The following DUSP1 variants were observed in gnomAD, a reference collection of about 807,000 sequenced individuals.
DUSP1 encodes dual specificity phosphatase 1.
DUSP1 carries 10 observed loss-of-function variants against 27.4 expected under a neutral mutation model. The observed-to-expected ratio is 0.37, with a 90% CI of 0.23 to 0.62. The LOEUF (loss-of-function observed/expected upper bound fraction) is 0.62, where lower values mean the gene tolerates loss of function less well. Ranked by LOEUF, DUSP1 falls within the 20% of genes least tolerant of loss-of-function variation. DUSP1 has a pLI of 0.68. For synonymous variants in DUSP1, 262 were observed against 223.6 expected (o/e 1.17, Z -1.53); for missense variants, 425 against 508.1 (o/e 0.84, Z 1.57).
chr5:172,769,471 G>A (rs1322140628), intron 3 of DUSP1, 104 bp downstream of exon 3: 3 of 1,248,212 alleles, frequency 2.4e-6, no homozygotes, highest in East Asian at 4.7e-5. Context: ...CTGAATGTGT[G>A]GAAGAAGGCT....
Position 172,771,100 on chromosome 5 carries a change from G to A in DUSP1, c.-148C>T, listed in dbSNP as rs948068337. On this transcript the variant is annotated 5_prime_UTR_variant, in exon 1 of 4. Coordinates refer to ENST00000239223, the MANE Select transcript of DUSP1 (RefSeq NM_004417.4). ...AAAAGCCGCTTTTGGACTGAGAGAG[G>A]AGCGTCACGCGGGGCTCCGGGCTCC... The A allele has an allele frequency of 3.7e-5, 42 of 1,125,094 alleles. No homozygotes were observed. In the African/African-American group the frequency reaches 6.2e-4, roughly 17 times the overall value. 69.7% of individuals were successfully genotyped at this position (1,125,094 alleles called of 1,614,324 possible). A position where few individuals can be genotyped will look rare whatever the true frequency, so the allele number is the denominator to read the frequency against.
rs375653201 is a variant in DUSP1, at chr5:172,769,115, C to T, written c.751G>A (p.Gly251Arg). The T allele has an allele frequency of 2.7e-5, 44 of 1,609,124 alleles. No individual in the cohort carries two copies. Among genetic ancestry groups the T allele is most frequent in the African/African-American group, 9.3e-5 (7 of 74,904 alleles). Residue 251 changes from glycine to arginine, a missense_variant, in exon 4 of 4, where the codon GGA (glycine) becomes AGA (arginine). Transcript: ENST00000239223. ...IDFIDSIKNA[G>R]GRVFVHCQAG... ...TGGCAGTGGACAAACACCCTTCCTC[C>T]AGCATTCTTGATGGAGTCTGGAAAA...
In DUSP1 at chr5:172,768,825, G is replaced by A; in HGVS notation, c.1041C>T (p.Val347=). The change falls in exon 4 of 4, where the codon GTC becomes GTT. Residue 347 remains valine (V), a synonymous_variant. Coordinates refer to ENST00000239223, the MANE Select transcript of DUSP1 (RefSeq NM_004417.4). ...TVFNFPVSIP[V]HSTNSALSYL... The stretch of plus-strand genomic sequence containing the variant: ...AGCTCAGCGCACTGTTCGTGGAGTG[G>A]ACAGGGATGGAGACGGGGAAGTTGA... The A allele has an allele frequency of 6.3e-7, 1 of 1,584,462 alleles. No individual in the cohort carries two copies. The highest frequency in any genetic ancestry group is 1.2e-5 in the South Asian group (1 of 85,344).
intron 1 of DUSP1, 80 bp downstream of exon 1, chr5:172,770,505 TC>T: frequency 1.4e-6 from 2 of 1,470,792 alleles, no homozygotes; most frequent in Non-Finnish European, 1.8e-6. Flanking sequence ...GGTGGGGCGA[TC>T]CCCCGGGAGC....
In DUSP1 at chr5:172,769,813, C is replaced by A; in HGVS notation, c.514-19G>T. ...GGCCACCCTGAAATCCAGAAATATC[C>A]AACATTCATCAAGCTTGCTCAAAGC... On this transcript the variant is annotated intron_variant, in intron 2 of 3. Transcript: ENST00000239223. 1 of 1,608,654 alleles carries A rather than the reference C, an allele frequency of 6.2e-7. No homozygotes were observed. The highest frequency in any genetic ancestry group is 8.5e-7 in the Non-Finnish European group (1 of 1,177,610).
At position 172,768,666 on chromosome 5, in the gene DUSP1, C is replaced by T; in HGVS notation, c.*96G>A. ...CGGGTGAAGTTAAATAAATAAGGAC[C>T]AGCCCTCTCGAGCCCCTCCCAGAGT... On this transcript the variant is annotated 3_prime_UTR_variant, in exon 4 of 4. Coordinates refer to ENST00000239223, the MANE Select transcript of DUSP1 (RefSeq NM_004417.4). The T allele has an allele frequency of 7.1e-7, 1 of 1,411,848 alleles. No homozygotes were observed. Among genetic ancestry groups the T allele is most frequent in the Non-Finnish European group, 9.3e-7 (1 of 1,075,308 alleles). 87.5% of individuals were successfully genotyped at this position (1,411,848 alleles called of 1,614,324 possible).
Position 172,771,113 on chromosome 5 carries a change from G to A in DUSP1, c.-161C>T, listed in dbSNP as rs1400827190. The stretch of plus-strand genomic sequence containing the variant: ...GGACTGAGAGAGGAGCGTCACGCGG[G>A]GCTCCGGGCTCCTCGGCTTCTTCGC... On this transcript the variant is annotated 5_prime_UTR_variant, in exon 1 of 4. Coordinates refer to ENST00000239223, the MANE Select transcript of DUSP1 (RefSeq NM_004417.4). 8.0e-6 allele frequency: 8 copies of A among 995,850 alleles called. No homozygotes were observed. Among genetic ancestry groups the A allele is most frequent in the Non-Finnish European group, 1.1e-5 (8 of 754,866 alleles). 61.7% of individuals were successfully genotyped at this position (995,850 alleles called of 1,614,324 possible).
chr5:172,770,415 G>C, intron 1 of DUSP1, 109 bp from the exon 2 acceptor site: 1 of 1,561,008 alleles, frequency 6.4e-7, no homozygotes, highest in Non-Finnish European at 8.6e-7. Context: ...GAAAGGCCCA[G>C]GCAAGTCTTT....
Position 172,770,275 on chromosome 5 carries a change from C to A in DUSP1, c.399G>T (p.Pro133=), listed in dbSNP as rs1759865614. 6.2e-7 allele frequency: 1 copy of A among 1,610,960 alleles called. No individual in the cohort carries two copies. Among genetic ancestry groups the A allele is most frequent in the African/African-American group, 1.3e-5 (1 of 74,684 alleles). The stretch of plus-strand genomic sequence containing the variant: ...GGGTCGACTGTTTGCTGCACAGCTC[C>A]GGGCAGGAAGCCGAAAACGCTTCGT... ...GGYEAFSASC[P]ELCSKQSTPM... The change falls in exon 2 of 4, where the codon CCG becomes CCT. Residue 133 remains proline (P), a synonymous_variant. Coordinates refer to ENST00000239223, the MANE Select transcript of DUSP1 (RefSeq NM_004417.4).
chr5:172,769,488 A>G lies in DUSP1; in HGVS notation c.733+87T>C, dbSNP rs192910418. ...GAATGTGTGGAAGAAGGCTCAGAAA[A>G]CTTCAAGCTCTTGCCACAGAGGTTG... On this transcript the variant is annotated intron_variant, in intron 3 of 3. Coordinates refer to ENST00000239223, the MANE Select transcript of DUSP1 (RefSeq NM_004417.4). The G allele has an allele frequency of 2.8e-5, 41 of 1,438,706 alleles. No individual in the cohort carries two copies. The African/African-American group carries it at 4.9e-4, about 17-fold the overall frequency. 89.1% of individuals were successfully genotyped at this position (1,438,706 alleles called of 1,614,324 possible).
At position 172,770,776 on chromosome 5, in the gene DUSP1, G is replaced by T; in HGVS notation, c.177C>A (p.Ala59=). 1.3e-6 allele frequency: 2 copies of T among 1,498,598 alleles called. No individual in the cohort carries two copies. Among genetic ancestry groups the T allele is most frequent in the Non-Finnish European group, 1.8e-6 (2 of 1,129,344 alleles). The allele number at this position is 1,498,598 out of a possible 1,614,324, so 92.8% of individuals were successfully genotyped here. ...STIVRRRAKG[A]MGLEHIVPNA... ...TGGGCACGATGTGCTCCAGGCCCAT[G>T]GCGCCCTTGGCCCGGCGCCGCACGA... is the stretch of plus-strand genomic sequence containing the variant. The change falls in exon 1 of 4, where the codon GCC becomes GCA. Residue 59 remains alanine (A), a synonymous_variant. Transcript: ENST00000239223.
In DUSP1 at chr5:172,770,219, C is replaced by A; in HGVS notation, c.455G>T (p.Ser152Ile). ...PMGLSLPLST[S>I]VPDSAESGCS... is the part of the protein sequence containing the mutation. The stretch of plus-strand genomic sequence containing the variant: ...CCCAGATTCCGCGCTGTCAGGGACG[C>A]TAGTACTCAGGGGAAGGCTGAGCCC... Residue 152 changes from serine to isoleucine, a missense_variant, in exon 2 of 4, where the codon AGC becomes ATC. Ser to Ile is a moderately radical substitution (Grantham distance 142). Transcript: ENST00000239223. 1 of 1,608,446 alleles carries A rather than the reference C, an allele frequency of 6.2e-7. No homozygotes were observed. The highest frequency in any genetic ancestry group is 8.5e-7 in the Non-Finnish European group (1 of 1,178,378).
Position 172,769,574 on chromosome 5 carries a change from C to T in DUSP1, c.733+1G>A. 1 of 1,614,202 alleles carries T rather than the reference C, an allele frequency of 6.2e-7. No individual in the cohort carries two copies. Among genetic ancestry groups the T allele is most frequent in the Non-Finnish European group, 8.5e-7 (1 of 1,180,028 alleles). On this transcript the variant is annotated splice_donor_variant, in intron 3 of 3. Transcript: ENST00000239223. LOFTEE classifies it high-confidence loss of function. ...AAGCCCCAGGCATCCATTCCATTTA[C>T]CTATGAAGTCAATGGCCTCGTTGAA... is the stretch of plus-strand genomic sequence containing the variant.
intron 1 of DUSP1, 98 bp from the exon 2 acceptor site, chr5:172,770,404 G>C: frequency 1.3e-6 from 2 of 1,577,502 alleles, no homozygotes; most frequent in Non-Finnish European, 1.7e-6. Flanking sequence ...AGTTTACATC[G>C]GAAAGGCCCA....
At chr5:172,770,533 C>A in intron 1 of DUSP1, 53 bp downstream of exon 1, 1 of 1,457,866 alleles carries the variant, frequency 6.9e-7, no homozygotes. Flanking sequence ...CCAGGGGTAC[C>A]GGGCAAAACC....
At chr5:172,769,880 AGTC>A in intron 2 of DUSP1, 86 bp from the exon 3 acceptor site, 3 of 1,436,686 alleles carry the variant, frequency 2.1e-6, no homozygotes, top group Non-Finnish European at 2.8e-6. Flanking sequence ...CTGCTGGAAA[AGTC>A]AATTTCAGAT....
chr5:172,770,204 G>C lies in DUSP1; in HGVS notation c.470C>G (p.Ala157Gly). The C allele has an allele frequency of 1.9e-6, 3 of 1,599,734 alleles. No homozygotes were observed. Among genetic ancestry groups the C allele is most frequent in the Non-Finnish European group, 2.6e-6 (3 of 1,175,364 alleles). ...LPLSTSVPDS[A>G]ESGCSSCSTP... ...ACTGCAGGAACTGCACCCAGATTCC[G>C]CGCTGTCAGGGACGCTAGTACTCAG... Residue 157 changes from alanine to glycine, a missense_variant, in exon 2 of 4, where the codon GCG becomes GGG. Transcript: ENST00000239223.
rs1759827067 is a variant in DUSP1, at chr5:172,768,579, G to C, written c.*183C>G. 2 of 756,028 alleles carry C rather than the reference G, an allele frequency of 2.6e-6. No homozygotes were observed. The highest frequency in any genetic ancestry group is 6.6e-5 in the East Asian group (2 of 30,518). 46.8% of individuals were successfully genotyped at this position (756,028 alleles called of 1,614,324 possible). On this transcript the variant is annotated 3_prime_UTR_variant, in exon 4 of 4. Coordinates refer to ENST00000239223, the MANE Select transcript of DUSP1 (RefSeq NM_004417.4). ...ACTATATATTGGTCCCGAATGTGCTGAGTTCAGCAAATGTCTTGACGCTAA... is the reference window on the plus strand; with the variant it reads ...ACTATATATTGGTCCCGAATGTGCTCAGTTCAGCAAATGTCTTGACGCTAA...
Position 172,768,799 on chromosome 5 carries a change from T to C in DUSP1, c.1067A>G (p.Tyr356Cys). 1 of 1,534,658 alleles carries C rather than the reference T, an allele frequency of 6.5e-7. No homozygotes were observed. The highest frequency in any genetic ancestry group is 8.8e-7 in the Non-Finnish European group (1 of 1,139,016). Residue 356 changes from tyrosine to cysteine, a missense_variant, in exon 4 of 4, where the codon TAC becomes TGC. Physicochemically the swap from Tyr to Cys is radical, Grantham distance 194 (BLOSUM62 -2). Transcript: ENST00000239223. ...PVHSTNSALSYLQSPITTSPS... is the reference protein window; with the variant it reads ...PVHSTNSALSCLQSPITTSPS... ...AGAGGTCGTAATGGGGCTCTGAAGG[T>C]AGCTCAGCGCACTGTTCGTGGAGTG...
Sources: gnomAD v4.1 joint callset for allele counts on GRCh38, gnomAD v4.1.1 for gene constraint, MANE v1.5 for transcripts, NCBI Gene and HGNC (gene_info 2026-07-23, HGNC 2026-07-21) for gene names.